The following AFG2A variants were observed in gnomAD, a reference collection of about 807,000 sequenced individuals.
AFG2A encodes ATPase family gene 2 protein homolog A.
At chr4:122,965,462 A>G in the AFG2A span, among the ~76,000 whole-genome samples, 1 of 152,178 alleles carries the variant, frequency 6.6e-6, no homozygotes, top group African/African-American at 2.4e-5. Context: ...TACGTTGGAA[A>G]CAGTGTGTTG....
the AFG2A span, among the ~76,000 whole-genome samples, chr4:122,949,343 C>T: frequency 0.87 from 132,677 of 152,132 alleles, 58,155 homozygotes; most frequent in East Asian, 0.96. Context: ...TGCCATCTCA[C>T]GTTGTTGGTG....
the AFG2A span, among the ~76,000 whole-genome samples, chr4:123,293,549 G>A: frequency 2.0e-5 from 3 of 152,178 alleles, no homozygotes; most frequent in Admixed American, 6.5e-5. Context: ...GGCTGGTGCT[G>A]GGGAATGTCT....
the AFG2A span, among the ~76,000 whole-genome samples, chr4:123,202,483 C>T: frequency 3.3e-5 from 5 of 151,776 alleles, no homozygotes; most frequent in African/African-American, 9.7e-5. Flanking sequence ...ACATATGATA[C>T]GTACACATAA....
At chr4:123,148,791 C>G in the AFG2A span, among the ~76,000 whole-genome samples, 1 of 132,574 alleles carries the variant, frequency 7.5e-6, no homozygotes, top group African/African-American at 2.9e-5. Context: ...TTTTTTGAGA[C>G]AGAGTCTCGC....
chr4:122,926,503 GA>G, the AFG2A span, among the ~76,000 whole-genome samples: 3 of 152,264 alleles, frequency 2.0e-5, no homozygotes, highest in South Asian at 6.2e-4. Flanking sequence ...TGTTTTTCTA[GA>G]TTTGCACCTC....
At chr4:123,184,925 T>A in the AFG2A span, among the ~76,000 whole-genome samples, 2 of 152,316 alleles carry the variant, frequency 1.3e-5, no homozygotes, top group South Asian at 2.1e-4. Context: ...GCGTGATAAA[T>A]CAAATTTCCC....
chr4:122,938,844 C>T, the AFG2A span, among the ~76,000 whole-genome samples: 1 of 152,050 alleles, frequency 6.6e-6, no homozygotes, highest in South Asian at 2.1e-4. Context: ...ATCTACCCGC[C>T]TTGGCCTTCC....
At chr4:123,014,968 G>T in the AFG2A span, among the ~76,000 whole-genome samples, 1 of 152,108 alleles carries the variant, frequency 6.6e-6, no homozygotes, top group African/African-American at 2.4e-5. Flanking sequence ...ATTGTTAGAT[G>T]TTTTCAACCT....
the AFG2A span, among the ~76,000 whole-genome samples, chr4:122,967,631 C>A: frequency 3.3e-5 from 5 of 152,058 alleles, no homozygotes; most frequent in Admixed American, 2.6e-4. Flanking sequence ...GATTCTGAGC[C>A]TGATCAGGAT....
At chr4:123,001,028 C>G in the AFG2A span, among the ~76,000 whole-genome samples, 1 of 135,828 alleles carries the variant, frequency 7.4e-6, no homozygotes, top group East Asian at 2.2e-4. Context: ...CTGGTTTAGT[C>G]TTGGGAGGGT....
chr4:123,234,044 G>A, the AFG2A span, among the ~76,000 whole-genome samples: 21 of 152,044 alleles, frequency 1.4e-4, no homozygotes, highest in Admixed American at 5.9e-4. Context: ...ATAAGCACAC[G>A]TCTTACATGC....
At chr4:123,276,862 C>T in the AFG2A span, among the ~76,000 whole-genome samples, 32 of 152,166 alleles carry the variant, frequency 2.1e-4, no homozygotes, top group South Asian at 4.8e-3. Flanking sequence ...GTACCAGTAT[C>T]GTGTTGTTTT....
chr4:123,151,581 A>G, the AFG2A span, among the ~76,000 whole-genome samples: 1 of 152,232 alleles, frequency 6.6e-6, no homozygotes, highest in African/African-American at 2.4e-5. Flanking sequence ...ACAATGAGAT[A>G]CCATCTCTCA....
chr4:123,146,244 GA>G, the AFG2A span, among the ~76,000 whole-genome samples: 1 of 152,078 alleles, frequency 6.6e-6, no homozygotes, highest in Non-Finnish European at 1.5e-5. Context: ...CACCAGGCAA[GA>G]AAAGTATGTC....
chr4:123,226,797 C>T, the AFG2A span, among the ~76,000 whole-genome samples: 174 of 152,296 alleles, frequency 1.1e-3, 1 homozygote, highest in Middle Eastern at 0.014. Context: ...ACCAGCTCCT[C>T]CTTGTACCTC....
chr4:123,196,495 A>G, the AFG2A span, among the ~76,000 whole-genome samples: 4 of 152,156 alleles, frequency 2.6e-5, no homozygotes, highest in African/African-American at 9.7e-5. Context: ...ATACTAAGTG[A>G]TTTAACATAG....
At chr4:122,927,823 A>G in the AFG2A span, 3 of 1,584,782 alleles carry the variant, frequency 1.9e-6, no homozygotes, top group Non-Finnish European at 2.6e-6. Flanking sequence ...CCAAGAATCT[A>G]AACTCTGAAA....
the AFG2A span, among the ~76,000 whole-genome samples, chr4:123,308,115 G>T: frequency 6.6e-6 from 1 of 152,144 alleles, no homozygotes. Context: ...TCCTGTTCCT[G>T]TGGGATACAT....
chr4:123,077,174 G>A, the AFG2A span, among the ~76,000 whole-genome samples: 2 of 151,376 alleles, frequency 1.3e-5, no homozygotes, highest in Admixed American at 6.6e-5. Context: ...CAGCCTCCTG[G>A]GTAGCTAGGG....
Sources: allele counts gnomAD v4.1 joint callset (sites outside exome capture counted in the v4.1 genomes callset), GRCh38; gene constraint gnomAD v4.1.1; transcripts MANE v1.5; gene names NCBI Gene and HGNC (gene_info 2026-07-23, HGNC 2026-07-21).